The following TRAPPC9 variants were observed in gnomAD, a reference collection of about 807,000 sequenced individuals.
The protein encoded by TRAPPC9 is trafficking protein particle complex subunit 9, also known as IKK2 binding protein.
A neutral mutation model predicts 124.0 loss-of-function variants in TRAPPC9; 83 were observed. That is an observed-to-expected ratio of 0.67 (90% CI 0.56 to 0.80). The LOEUF (loss-of-function observed/expected upper bound fraction) is 0.80, where lower values mean the gene tolerates loss of function less well. Among genes scored for constraint, TRAPPC9 ranks in the 30% least tolerant of loss-of-function variants. The pLI, the probability that TRAPPC9 is intolerant of heterozygous loss-of-function variation, is 0.00. For synonymous variants in TRAPPC9, 638 were observed against 617.5 expected (o/e 1.03, Z -0.49); for missense variants, 1,302 against 1,508.3 (o/e 0.86, Z 2.27).
intron 18 of TRAPPC9, among the ~76,000 whole-genome samples, chr8:140,020,133 C>G (rs1563694354): frequency 1.3e-5 from 2 of 151,998 alleles, no homozygotes; most frequent in Non-Finnish European, 1.5e-5. Flanking sequence ...ACATTTTTTT[C>G]TGACCACCCT....
chr8:140,452,853 T>C (rs2071516953), intron 1 of TRAPPC9, among the ~76,000 whole-genome samples: 1 of 152,186 alleles, frequency 6.6e-6, no homozygotes, highest in Non-Finnish European at 1.5e-5. Context: ...ACACGCACGA[T>C]CTGGGTGACC....
intron 17 of TRAPPC9, among the ~76,000 whole-genome samples, chr8:140,026,012 C>T (rs1249351308): frequency 6.6e-6 from 1 of 152,074 alleles, no homozygotes; most frequent in African/African-American, 2.4e-5. Flanking sequence ...CCCCAGTCTC[C>T]CTTCCTCTCG....
intron 21 of TRAPPC9, among the ~76,000 whole-genome samples, chr8:139,874,409 G>A (rs1829188629): frequency 6.6e-6 from 1 of 152,228 alleles, no homozygotes; most frequent in Non-Finnish European, 1.5e-5. Context: ...AGCAGCGGAA[G>A]ACACAGCCCG....
intron 14 of TRAPPC9, among the ~76,000 whole-genome samples, chr8:140,279,105 G>A (rs562711410): frequency 6.6e-4 from 101 of 152,330 alleles, no homozygotes; most frequent in Non-Finnish European, 1.5e-4. Flanking sequence ...TGTGGATCTT[G>A]TAAGGCCCAG....
intron 17 of TRAPPC9, among the ~76,000 whole-genome samples, chr8:140,156,240 A>G (rs1330844815): frequency 2.0e-5 from 3 of 152,210 alleles, no homozygotes; most frequent in Non-Finnish European, 4.4e-5. Flanking sequence ...ACACACAGAC[A>G]TCTGGCAGCA....
At chr8:140,001,294 C>T (rs943685105) in intron 18 of TRAPPC9, among the ~76,000 whole-genome samples, 5 of 151,900 alleles carry the variant, frequency 3.3e-5, no homozygotes, top group African/African-American at 7.3e-5. Context: ...ATGTAAATGA[C>T]GAGTTGATGG....
chr8:139,871,456 G>A (rs1000735707), intron 21 of TRAPPC9, among the ~76,000 whole-genome samples: 2 of 152,166 alleles, frequency 1.3e-5, no homozygotes, highest in African/African-American at 2.4e-5. Context: ...CCTGCTGGAG[G>A]GTCTGCCCCA....
At chr8:140,005,210 C>A (rs550565924) in intron 18 of TRAPPC9, among the ~76,000 whole-genome samples, 27 of 152,252 alleles carry the variant, frequency 1.8e-4, no homozygotes, top group Non-Finnish European at 4.0e-4. Flanking sequence ...AGCACACCAA[C>A]CACCAAAAAC....
chr8:139,987,666 ATATTATTCCCTCT>A (rs1347524594), intron 19 of TRAPPC9, among the ~76,000 whole-genome samples: 1 of 152,234 alleles, frequency 6.6e-6, no homozygotes, highest in Non-Finnish European at 1.5e-5. Context: ...AAAAATAAAA[ATATTATTCCCTCT>A]AGAATTCCAT....
At chr8:139,917,770 G>A (rs1307273549) in intron 19 of TRAPPC9, among the ~76,000 whole-genome samples, 3 of 152,242 alleles carry the variant, frequency 2.0e-5, no homozygotes, top group Non-Finnish European at 4.4e-5. Context: ...AAGCCAGGCT[G>A]GCAGGAGCCA....
rs983730459 is a variant in TRAPPC9, at chr8:139,825,634, C to T, written c.3055+60245G>A. Among the ~76,000 whole-genome samples the T allele has an allele frequency of 1.4e-4, 21 of 152,130 alleles. No homozygotes were observed. Among genetic ancestry groups the T allele is most frequent in the African/African-American group, 4.6e-4 (19 of 41,426 alleles). On this transcript the variant is annotated intron_variant, in intron 21 of 22. Coordinates refer to ENST00000438773, the MANE Select transcript of TRAPPC9 (RefSeq NM_001160372.4). The surrounding 1 kb of genome is among the most constrained non-coding windows in gnomAD (Gnocchi z 4.6). ...TTCTGAGAAAAAAGTCACTTCCACC[C>T]GGGGGAAATTTCATGGCTCTGGTTT...
At position 139,890,634 on chromosome 8, in the gene TRAPPC9, G is replaced by A. The variant is rs904409866; in HGVS notation, c.2965-4665C>T. Among the ~76,000 whole-genome samples, 4 of 152,116 alleles carry A rather than the reference G, an allele frequency of 2.6e-5. 1 individual carries two copies. Among genetic ancestry groups the A allele is most frequent in the South Asian group, 4.1e-4 (2 of 4,826 alleles). On this transcript the variant is annotated intron_variant, in intron 20 of 22. Transcript: ENST00000438773. Reference sequence around the variant, plus strand: ...TCTCAGTTTTCAAATACGGGAAGGCGAAGGCTTGTCTCCCTCAGGGACTGA... The same window carrying A: ...TCTCAGTTTTCAAATACGGGAAGGCAAAGGCTTGTCTCCCTCAGGGACTGA...
intron 21 of TRAPPC9, among the ~76,000 whole-genome samples, chr8:139,850,167 C>A (rs901326558): frequency 2.0e-5 from 3 of 152,200 alleles, no homozygotes; most frequent in African/African-American, 7.2e-5. Context: ...ATACATATGA[C>A]AAATGGGTAT....
intron 16 of TRAPPC9, among the ~76,000 whole-genome samples, chr8:140,222,147 T>G (rs1417757934): frequency 6.6e-6 from 1 of 152,160 alleles, no homozygotes; most frequent in African/African-American, 2.4e-5. Context: ...CTCCTCAGGC[T>G]GGAATGAGTT....
intron 20 of TRAPPC9, among the ~76,000 whole-genome samples, chr8:139,901,325 C>G (rs7832157): frequency 6.6e-6 from 1 of 152,102 alleles, no homozygotes; most frequent in African/African-American, 2.4e-5. Context: ...ATAGAAATTA[C>G]ACTAATGGAA....
intron 21 of TRAPPC9, among the ~76,000 whole-genome samples, chr8:139,802,389 A>G (rs1823601216): frequency 6.6e-6 from 1 of 152,142 alleles, no homozygotes; most frequent in South Asian, 2.1e-4. Flanking sequence ...GGGTCCCTCA[A>G]TGATCTGAGA....
At chr8:140,346,425 T>C (rs1488384426) in intron 9 of TRAPPC9, among the ~76,000 whole-genome samples, 4 of 152,228 alleles carry the variant, frequency 2.6e-5, no homozygotes, top group Non-Finnish European at 5.9e-5. Flanking sequence ...CCTTGTCCCT[T>C]ATTATCCGAA....
At chr8:140,379,471 T>C (rs961950328) in intron 7 of TRAPPC9, among the ~76,000 whole-genome samples, 5 of 152,194 alleles carry the variant, frequency 3.3e-5, no homozygotes, top group African/African-American at 1.2e-4. Context: ...AAAGGTCCTA[T>C]TCTGCCATCT....
At chr8:140,114,848 T>C (rs2060849502) in intron 17 of TRAPPC9, among the ~76,000 whole-genome samples, 2 of 152,130 alleles carry the variant, frequency 1.3e-5, no homozygotes, top group Non-Finnish European at 2.9e-5. Context: ...ATCCGGAATA[T>C]GTGAGTAATA....
Sources: gnomAD v4.1 joint callset for allele counts (sites outside exome capture counted in the v4.1 genomes callset) on GRCh38, gnomAD v4.1.1 for gene constraint, Gnocchi (gnomAD v3.1) non-coding constraint, MANE v1.5 for transcripts, NCBI Gene and HGNC (gene_info 2026-07-23, HGNC 2026-07-21) for gene names.